The following ATRNL1 variants were observed in gnomAD, a reference collection of about 807,000 sequenced individuals.
The protein encoded by ATRNL1 is attractin like 1, also known as attractin-like protein 1.
Under a neutral mutation model 182.7 loss-of-function variants are expected in ATRNL1, and 95 were observed. The observed-to-expected ratio is 0.52, with a 90% CI of 0.44 to 0.62. The LOEUF is 0.62. Among genes scored for constraint, ATRNL1 ranks in the 20% least tolerant of loss-of-function variants. The pLI is 0.00. For missense variants in ATRNL1, 1,471 were observed against 1,679.5 expected (o/e 0.88, Z 2.17); for synonymous variants, 576 against 568.3 (o/e 1.01, Z -0.19).
chr10:115,528,689 T>G (rs191867166), intron 25 of ATRNL1, among the ~76,000 whole-genome samples: 1 of 152,244 alleles, frequency 6.6e-6, no homozygotes, highest in Admixed American at 6.5e-5. Context: ...TTTAGTTTGT[T>G]CTTTTTCTAG....
intron 17 of ATRNL1, among the ~76,000 whole-genome samples, chr10:115,304,781 C>T (rs1181596403): frequency 6.6e-6 from 1 of 152,022 alleles, no homozygotes; most frequent in Non-Finnish European, 1.5e-5. Context: ...CGGCCATATT[C>T]CCAAATACAT....
chr10:115,301,843 T>G lies in ATRNL1; in HGVS notation c.2630-12T>G. ...TAAAAATGAAATTATTGTATTTGTT[T>G]ATTTATTCCAGTTAGTCCAAATCAA... is the stretch of plus-strand genomic sequence containing the variant. On this transcript the variant is annotated splice_polypyrimidine_tract_variant and intron_variant, in intron 16 of 28. Transcript: ENST00000355044. The G allele has an allele frequency of 6.3e-7, 1 of 1,574,858 alleles. No homozygotes were observed. Among genetic ancestry groups the G allele is most frequent in the Non-Finnish European group, 8.6e-7 (1 of 1,159,920 alleles).
chr10:115,929,238 T>G (rs1330567847), intron 28 of ATRNL1, among the ~76,000 whole-genome samples: 1 of 152,058 alleles, frequency 6.6e-6, no homozygotes, highest in Non-Finnish European at 1.5e-5. Flanking sequence ...TCTTAACTGG[T>G]ATTTAGGAAT....
intron 28 of ATRNL1, among the ~76,000 whole-genome samples, chr10:115,882,456 ACC>A (rs1385147266): frequency 6.6e-6 from 1 of 152,066 alleles, no homozygotes; most frequent in Admixed American, 6.5e-5. Context: ...TCCCATAGGT[ACC>A]CTGTATTTTC....
chr10:115,527,766 AT>A (rs2133730825), intron 25 of ATRNL1, among the ~76,000 whole-genome samples: 1 of 150,670 alleles, frequency 6.6e-6, no homozygotes, highest in Admixed American at 6.6e-5. Flanking sequence ...AATTTTGCCT[AT>A]TTTTCCTTCC....
chr10:115,635,133 C>G (rs536943056), intron 26 of ATRNL1, among the ~76,000 whole-genome samples: 5 of 152,042 alleles, frequency 3.3e-5, no homozygotes, highest in Admixed American at 1.3e-4. Flanking sequence ...AAGAATAAAA[C>G]TAATAACCTG....
intron 28 of ATRNL1, among the ~76,000 whole-genome samples, chr10:115,881,826 G>A (rs1349646226): frequency 2.0e-5 from 3 of 152,116 alleles, no homozygotes; most frequent in Non-Finnish European, 2.9e-5. Flanking sequence ...CACCTGCCCT[G>A]CATTACACTG....
At chr10:115,174,059 GT>G (rs1484020964) in intron 8 of ATRNL1, among the ~76,000 whole-genome samples, 3 of 151,718 alleles carry the variant, frequency 2.0e-5, no homozygotes, top group Middle Eastern at 3.2e-3. Context: ...GGTGTGGTAA[GT>G]TTTGAGATCT....
chr10:115,293,002 C>A (rs1852992626), intron 15 of ATRNL1, among the ~76,000 whole-genome samples: 4 of 152,092 alleles, frequency 2.6e-5, no homozygotes, highest in African/African-American at 7.2e-5. Context: ...CTTTTTATAT[C>A]TAATAATATT....
intron 17 of ATRNL1, among the ~76,000 whole-genome samples, chr10:115,305,670 C>G (rs1853692397): frequency 6.6e-6 from 1 of 152,102 alleles, no homozygotes; most frequent in South Asian, 2.1e-4. Flanking sequence ...ATGAAAGAAG[C>G]TAGACATGAA....
At chr10:115,672,622 T>A (rs1425753989) in intron 26 of ATRNL1, among the ~76,000 whole-genome samples, 2 of 152,094 alleles carry the variant, frequency 1.3e-5, no homozygotes, top group Non-Finnish European at 2.9e-5. Context: ...TTCTTAGATT[T>A]CGATTTTCAA....
intron 19 of ATRNL1, among the ~76,000 whole-genome samples, chr10:115,359,996 G>C (rs1164989401): frequency 6.6e-6 from 1 of 151,498 alleles, no homozygotes; most frequent in Non-Finnish European, 1.5e-5. Flanking sequence ...AGTAGTATAA[G>C]ACTATGTAAC....
intron 26 of ATRNL1, among the ~76,000 whole-genome samples, chr10:115,621,991 A>G (rs1470275229): frequency 6.6e-6 from 1 of 152,204 alleles, no homozygotes; most frequent in African/African-American, 2.4e-5. Flanking sequence ...CTCACCAGAC[A>G]CTAAAGGTGA....
intron 1 of ATRNL1, among the ~76,000 whole-genome samples, chr10:115,100,587 CTGCTT>C (rs1231070544): frequency 6.6e-6 from 1 of 152,132 alleles, no homozygotes; most frequent in African/African-American, 2.4e-5. Context: ...TTTCTGGACT[CTGCTT>C]TGTTTCTTGA....
chr10:115,559,460 G>GCACA (rs1459241995), intron 26 of ATRNL1, among the ~76,000 whole-genome samples: 1 of 150,062 alleles, frequency 6.7e-6, no homozygotes, highest in Non-Finnish European at 1.5e-5. Flanking sequence ...GCGCACGCAC[G>GCACA]CACATGCGCA....
intron 8 of ATRNL1, among the ~76,000 whole-genome samples, chr10:115,190,594 A>G (rs1319898357): frequency 1.3e-5 from 2 of 152,158 alleles, no homozygotes; most frequent in Non-Finnish European, 2.9e-5. Context: ...GGCACATAAT[A>G]GTTGTATATG....
intron 6 of ATRNL1, among the ~76,000 whole-genome samples, chr10:115,164,459 C>T (rs1381913635): frequency 2.6e-5 from 4 of 152,022 alleles, no homozygotes; most frequent in Admixed American, 2.6e-4. Flanking sequence ...ACTATATGAT[C>T]CAGCAAACCC....
At chr10:115,286,105 A>G (rs1852598933) in intron 14 of ATRNL1, 111 bp from the exon 15 acceptor site, 1 of 584,622 alleles carries the variant, frequency 1.7e-6, no homozygotes, top group Non-Finnish European at 3.0e-6. Context: ...GATATTTAAT[A>G]TGTTTTATTT....
At chr10:115,622,859 G>GGAGCTTGCAGTGAGCC (rs1857858913) in intron 26 of ATRNL1, among the ~76,000 whole-genome samples, 1 of 151,916 alleles carries the variant, frequency 6.6e-6, no homozygotes, top group Admixed American at 6.6e-5. Context: ...CCCGGGAGGC[G>GGAGCTTGCAGTGAGCC]GAGCTTGCAG....
Sources: allele counts gnomAD v4.1 joint callset (sites outside exome capture counted in the v4.1 genomes callset), GRCh38; gene constraint gnomAD v4.1.1; transcripts MANE v1.5; gene names NCBI Gene and HGNC (gene_info 2026-07-23, HGNC 2026-07-21).